The following LRAT variants were observed in gnomAD, a reference collection of about 807,000 sequenced individuals.
LRAT encodes lecithin retinol acyltransferase (phosphatidylcholine--retinol O-acyltransferase).
A neutral mutation model predicts 14.2 loss-of-function variants in LRAT; 11 were observed. The ratio of observed to expected loss-of-function variants is 0.78; its 90% confidence interval spans 0.49 to 1.29. The LOEUF is 1.29. LRAT is among the 50% of genes most tolerant of loss of function. LRAT has a pLI of 0.00. For synonymous variants in LRAT, 144 were observed against 124.8 expected (o/e 1.15, Z -1.03); for missense variants, 274 against 292.4 (o/e 0.94, Z 0.46).
intron 2 of LRAT, chr4:154,748,463 A>T (rs1732924692): frequency 3.4e-6 from 3 of 884,500 alleles, no homozygotes; most frequent in Middle Eastern, 5.8e-4. Context: ...TAGCATATTT[A>T]GTCAGGAAAT....
Position 154,744,878 on chromosome 4 carries a change from G to C in LRAT, c.540+12G>C, listed in dbSNP as rs372762225. ...CCCAGTCCGACAAGGTATGATGTGT[G>C]ACTCCCAGGGGAAGTGGGCTCCGCG... On this transcript the variant is annotated intron_variant, in intron 2 of 2. Transcript: ENST00000336356. 6.2e-7 allele frequency: 1 copy of C among 1,611,816 alleles called. No individual in the cohort carries two copies. Among genetic ancestry groups the C allele is most frequent in the Non-Finnish European group, 8.5e-7 (1 of 1,179,984 alleles).
intron 2 of LRAT, chr4:154,748,192 G>A (rs548979174): frequency 1.8e-4 from 178 of 982,228 alleles, no homozygotes; most frequent in South Asian, 3.3e-4. Flanking sequence ...TATACAGCAC[G>A]TAGAAGAATA....
chr4:154,748,242 A>G, intron 2 of LRAT: 1 of 985,718 alleles, frequency 1.0e-6, no homozygotes, highest in Non-Finnish European at 1.2e-6. Context: ...TAATCCTCAG[A>G]ACAATTTGAG....
At position 154,744,674 on chromosome 4, in the gene LRAT, C is replaced by G. The variant is rs1732843725; in HGVS notation, c.348C>G (p.Phe116Leu). 6.2e-7 allele frequency: 1 copy of G among 1,614,168 alleles called. No homozygotes were observed. Among genetic ancestry groups the G allele is most frequent in the Non-Finnish European group, 8.5e-7 (1 of 1,180,028 alleles). ...TCCGCGTGGACACAGTGGAGGACTT[C>G]GCCTACGGAGCTAACATCCTGGTCA... is the stretch of plus-strand genomic sequence containing the variant. ...ASIRVDTVED[F>L]AYGANILVNH... Residue 116 changes from phenylalanine (F) to leucine (L), a missense_variant, in exon 2 of 3, where the codon TTC becomes TTG. Transcript: ENST00000336356.
intron 2 of LRAT, among the ~76,000 whole-genome samples, 175 bp downstream of exon 2, chr4:154,745,041 C>T (rs1281501907): frequency 3.0e-5 from 3 of 98,864 alleles, no homozygotes; most frequent in African/African-American, 7.3e-5. Context: ...TTTTTTGAGA[C>T]GGAGTCTCGC....
At chr4:154,747,533 G>C (rs569752756) in intron 2 of LRAT, among the ~76,000 whole-genome samples, 1 of 152,216 alleles carries the variant, frequency 6.6e-6, no homozygotes, top group South Asian at 2.1e-4. Flanking sequence ...AAAGATGCCT[G>C]CTGGTCTGCT....
rs78458206 is a variant in LRAT at position 154,744,191 on chromosome 4, G to A, written c.-33G>A. On this transcript the variant is annotated 5_prime_UTR_variant, in exon 1 of 3. Coordinates refer to ENST00000336356, the MANE Select transcript of LRAT (RefSeq NM_004744.5). ...TTGCCTTCCTCTCTCCTCAGCGGCC[G>A]TACTTTGCGCCGTACCTCACCTGGC... 5.5e-6 allele frequency: 5 copies of A among 903,882 alleles called. No individual in the cohort carries two copies. The highest frequency in any genetic ancestry group is 3.3e-5 in the African/African-American group (2 of 61,052). 56.0% of individuals were successfully genotyped at this position (903,882 alleles called of 1,614,324 possible). A position where few individuals can be genotyped will look rare whatever the true frequency, so the allele number is the denominator to read the frequency against.
In LRAT at chr4:154,751,345, C is replaced by T. The variant is rs1367914450; in HGVS notation, c.*2209C>T. The T allele has an allele frequency of 1.3e-5, 2 of 152,100 alleles. No individual in the cohort carries two copies. Among genetic ancestry groups the T allele is most frequent in the Non-Finnish European group, 2.9e-5 (2 of 68,038 alleles). The allele number at this position is 152,100 out of a possible 1,614,324, so 9.4% of individuals were successfully genotyped here. On this transcript the variant is annotated 3_prime_UTR_variant, in exon 3 of 3. Coordinates refer to ENST00000336356, the MANE Select transcript of LRAT (RefSeq NM_004744.5). ...CTACAACGCTAGAACTGTTGAACTTCTTGGGAGAAAAGGAGAATCTTTGTT... is the reference window on the plus strand; with the variant it reads ...CTACAACGCTAGAACTGTTGAACTTTTTGGGAGAAAAGGAGAATCTTTGTT...
Position 154,744,500 on chromosome 4 carries a change from G to C in LRAT, c.174G>C (p.Leu58=), listed in dbSNP as rs771519866. The C allele has an allele frequency of 8.1e-6, 13 of 1,613,930 alleles. No homozygotes were observed. The highest frequency in any genetic ancestry group is 8.5e-6 in the Non-Finnish European group (10 of 1,180,000). Residue 58 remains leucine, a synonymous_variant, in exon 2 of 3, where the codon CTG becomes CTC. Coordinates refer to ENST00000336356, the MANE Select transcript of LRAT (RefSeq NM_004744.5). Reference sequence around the variant, plus strand: ...TGCTGGAGGTGCCCCGGACCCACCTGACCCACTATGGCATCTACCTAGGAG... The same window carrying C: ...TGCTGGAGGTGCCCCGGACCCACCTCACCCACTATGGCATCTACCTAGGAG... ...GDVLEVPRTH[L]THYGIYLGDN... is the part of the protein sequence containing the mutation.
chr4:154,744,797 G>A lies in LRAT; in HGVS notation c.471G>A (p.Leu157=). Residue 157 remains leucine, a synonymous_variant, in exon 2 of 3, where the codon CTG becomes CTA. Coordinates refer to ENST00000336356, the MANE Select transcript of LRAT (RefSeq NM_004744.5). Reference sequence around the variant, plus strand: ...TGGGCTTTACCCCCTACAGCCTGCTGTGGAACAACTGCGAGCACTTCGTGA... The same window carrying A: ...TGGGCTTTACCCCCTACAGCCTGCTATGGAACAACTGCGAGCACTTCGTGA... ...KLLGFTPYSL[L]WNNCEHFVTY... is the part of the protein sequence containing the mutation. 2 of 1,614,084 alleles carry A rather than the reference G, an allele frequency of 1.2e-6. No homozygotes were observed. The highest frequency in any genetic ancestry group is 1.7e-5 in the Admixed American group (1 of 60,028).
chr4:154,744,820 T>G lies in LRAT; in HGVS notation c.494T>G (p.Val165Gly), dbSNP rs1380784629. The G allele has an allele frequency of 6.2e-7, 1 of 1,613,920 alleles. No homozygotes were observed. Residue 165 changes from valine (V) to glycine (G), a missense_variant, in exon 2 of 3, where the codon GTG becomes GGG. By Grantham distance (109) the Val-to-Gly change is moderately radical. Coordinates refer to ENST00000336356, the MANE Select transcript of LRAT (RefSeq NM_004744.5). ...SLLWNNCEHF[V>G]TYCRYGTPIS... ...CTGTGGAACAACTGCGAGCACTTCG[T>G]GACCTACTGCAGATATGGCACCCCG...
At position 154,749,270 on chromosome 4, in the gene LRAT, A is replaced by G. The variant is rs1732943310; in HGVS notation, c.*134A>G. The G allele has an allele frequency of 1.9e-6, 2 of 1,047,744 alleles. No homozygotes were observed. Among genetic ancestry groups the G allele is most frequent in the Non-Finnish European group, 2.9e-6 (2 of 680,696 alleles). 64.9% of individuals were successfully genotyped at this position (1,047,744 alleles called of 1,614,324 possible). A position where few individuals can be genotyped will look rare whatever the true frequency, so the allele number is the denominator to read the frequency against. On this transcript the variant is annotated 3_prime_UTR_variant, in exon 3 of 3. Transcript: ENST00000336356. ...GTTCTGGATAAAAATGTGATTAGGA[A>G]TCACGCAAAGTGCTTACTGTGTAAG...
At chr4:154,748,630 C>T (rs889525462) in intron 2 of LRAT, among the ~76,000 whole-genome samples, 3 of 152,082 alleles carry the variant, frequency 2.0e-5, no homozygotes, top group African/African-American at 7.2e-5. Flanking sequence ...AGATTAGAGA[C>T]ACCTCTTTGC....
intron 2 of LRAT, among the ~76,000 whole-genome samples, chr4:154,747,272 T>C (rs1199099108): frequency 6.6e-6 from 1 of 152,202 alleles, no homozygotes; most frequent in African/African-American, 2.4e-5. Flanking sequence ...TTAGAAGTCA[T>C]AAAATAATGG....
chr4:154,743,125 A>AAC (rs1732799120), upstream of LRAT, among the ~76,000 whole-genome samples: 1 of 17,840 alleles, frequency 5.6e-5, no homozygotes, highest in African/African-American at 2.2e-4. Context: ...GACCCCCCCA[A>AAC]CCCCCCCCCC....
chr4:154,748,975 A>G lies in LRAT; in HGVS notation c.541-9A>G, dbSNP rs1234948885. The stretch of plus-strand genomic sequence containing the variant: ...ACCTTTCCTAATTTTCCAATATTTT[A>G]TTTTCCAGTTTTGTGAGACTGTGAA... On this transcript the variant is annotated splice_polypyrimidine_tract_variant and intron_variant, in intron 2 of 2. Transcript: ENST00000336356. 4 of 1,613,358 alleles carry G rather than the reference A, an allele frequency of 2.5e-6. No individual in the cohort carries two copies. The highest frequency in any genetic ancestry group is 2.2e-5 in the South Asian group (2 of 91,066).
At chr4:154,743,732 G>T (rs1732812305), upstream of LRAT, among the ~76,000 whole-genome samples, 1 of 151,920 alleles carries the variant, frequency 6.6e-6, no homozygotes, top group Non-Finnish European at 1.5e-5. Flanking sequence ...CTTTCGTGCC[G>T]CCACACCTTG....
chr4:154,748,951 C>T (rs199906074), intron 2 of LRAT, 33 bp from the exon 3 acceptor site: 3 of 1,609,048 alleles, frequency 1.9e-6, no homozygotes, highest in Non-Finnish European at 2.6e-6. Flanking sequence ...GGTTTAGCCA[C>T]CTTTCCTAAT....
chr4:154,748,616 C>T (rs913220655), intron 2 of LRAT, among the ~76,000 whole-genome samples: 1 of 152,064 alleles, frequency 6.6e-6, no homozygotes, highest in African/African-American at 2.4e-5. Context: ...ATTATTTTTA[C>T]TCAAGATTAG....
Sources: allele counts gnomAD v4.1 joint callset (sites outside exome capture counted in the v4.1 genomes callset), GRCh38; gene constraint gnomAD v4.1.1; transcripts MANE v1.5; gene names NCBI Gene and HGNC (gene_info 2026-07-23, HGNC 2026-07-21).